Variants in NPAS3 observed in about 807,000 individuals in gnomAD.
NPAS3 encodes neuronal PAS domain protein 3.
In NPAS3, 14 loss-of-function variants were observed where a neutral mutation model predicts 73.1. That is an observed-to-expected ratio of 0.19 (90% confidence interval 0.13 to 0.30). The LOEUF is 0.30. Among genes scored for constraint, NPAS3 ranks in the 10% least tolerant of loss-of-function variants. The probability of loss-of-function intolerance (pLI) is 1.00; values close to 1 mark genes in which losing one functional copy is unlikely to be tolerated. For missense variants in NPAS3, 1,096 were observed against 1,250.0 expected, an observed-to-expected ratio of 0.88 and a Z score of 1.86; for synonymous variants, 620 against 541.5, an observed-to-expected ratio of 1.14 and a Z score of -2.01.
intron 2 of NPAS3, among the ~76,000 whole-genome samples, chr14:33,125,577 T>C (rs1374597734): frequency 1.3e-5 from 2 of 152,116 alleles, no homozygotes; most frequent in African/African-American, 4.8e-5. Context: ...CGAGAACTGA[T>C]GATTCCATAG....
intron 6 of NPAS3, among the ~76,000 whole-genome samples, chr14:33,734,282 T>C (rs2061471865): frequency 6.6e-6 from 1 of 152,096 alleles, no homozygotes; most frequent in Non-Finnish European, 1.5e-5. Context: ...CAAAATTAAT[T>C]TCTTTGCCAG....
intron 5 of NPAS3, among the ~76,000 whole-genome samples, chr14:33,668,810 C>A (rs533658211): frequency 1.3e-5 from 2 of 152,090 alleles, no homozygotes; most frequent in African/African-American, 2.4e-5. Context: ...CAGGGCGAGA[C>A]CCTGTCTCAA....
intron 7 of NPAS3, among the ~76,000 whole-genome samples, chr14:33,766,300 C>T (rs2062461389): frequency 6.6e-6 from 1 of 152,184 alleles, no homozygotes; most frequent in Admixed American, 6.5e-5. Flanking sequence ...CTGTCCATTT[C>T]CTGAACCAAC....
intron 4 of NPAS3, among the ~76,000 whole-genome samples, chr14:33,463,084 A>G (rs2050348210): frequency 6.6e-6 from 1 of 152,230 alleles, no homozygotes; most frequent in Non-Finnish European, 1.5e-5. Flanking sequence ...ATATGGCAAT[A>G]GGTAATGGCT....
At chr14:33,633,791 G>A (rs939949190) in intron 5 of NPAS3, among the ~76,000 whole-genome samples, 1 of 152,064 alleles carries the variant, frequency 6.6e-6, no homozygotes. Flanking sequence ...ACCAGCCTGG[G>A]CAACATAGTG....
At chr14:33,670,857 G>C (rs1453597330) in intron 5 of NPAS3, among the ~76,000 whole-genome samples, 33 of 149,600 alleles carry the variant, frequency 2.2e-4, no homozygotes, top group African/African-American at 7.6e-4. Flanking sequence ...GTGGGGCCTG[G>C]ATGCAGAAGG....
intron 2 of NPAS3, among the ~76,000 whole-genome samples, chr14:33,173,597 G>A (rs538548642): frequency 6.6e-6 from 1 of 152,280 alleles, no homozygotes; most frequent in South Asian, 2.1e-4. Flanking sequence ...TTTCAAGAAT[G>A]AATATTTAGC....
At chr14:33,085,132 A>G (rs906307512) in intron 2 of NPAS3, among the ~76,000 whole-genome samples, 5 of 152,252 alleles carry the variant, frequency 3.3e-5, no homozygotes, top group South Asian at 4.2e-4. Flanking sequence ...CTTTGGTACC[A>G]TGTTGCGTGA....
intron 2 of NPAS3, among the ~76,000 whole-genome samples, chr14:33,088,667 G>A (rs935406483): frequency 4.6e-5 from 7 of 152,032 alleles, no homozygotes; most frequent in Admixed American, 4.6e-4. Flanking sequence ...TGACAGCTTT[G>A]AAGAGAGTAG....
chr14:32,965,977 G>T (rs1362333908), intron 1 of NPAS3, among the ~76,000 whole-genome samples: 2 of 151,812 alleles, frequency 1.3e-5, no homozygotes, highest in Non-Finnish European at 2.9e-5. Flanking sequence ...AAAAAATCTA[G>T]GAATAAATAT....
chr14:33,549,021 A>G lies in NPAS3; in HGVS notation c.469-11100A>G, dbSNP rs114266830. ...AGTAATTACAGGAGCATATGTGAAC[A>G]TGTTTATATTTATTTATAACCAAAT... is the stretch of plus-strand genomic sequence containing the variant. On this transcript the variant is annotated intron_variant, in intron 4 of 11. Coordinates refer to ENST00000356141, the Ensembl canonical transcript of NPAS3. Among the ~76,000 whole-genome samples, 1,067 of 152,336 alleles carry G rather than the reference A, an allele frequency of 7.0e-3. 10 individuals carry two copies. Among genetic ancestry groups the G allele is most frequent in the African/African-American group, 0.024 (986 of 41,576 alleles).
At chr14:33,286,900 G>A (rs896455770) in intron 3 of NPAS3, among the ~76,000 whole-genome samples, 4 of 152,126 alleles carry the variant, frequency 2.6e-5, no homozygotes, top group African/African-American at 7.2e-5. Flanking sequence ...AAGAGCAGCC[G>A]TGATTTCCTT....
At chr14:33,797,428 CA>C (rs781660185) in intron 10 of NPAS3, 28 bp from the exon 11 acceptor site, 3 of 1,611,336 alleles carry the variant, frequency 1.9e-6, no homozygotes, top group Non-Finnish European at 1.7e-6. Context: ...TGGGTGTCTG[CA>C]CTCCTGACCA....
intron 5 of NPAS3, among the ~76,000 whole-genome samples, chr14:33,615,770 G>A (rs932156292): frequency 1.3e-5 from 2 of 152,234 alleles, no homozygotes; most frequent in East Asian, 3.9e-4. Context: ...AGTGCATGCT[G>A]AGAATCCCCG....
intron 2 of NPAS3, among the ~76,000 whole-genome samples, chr14:33,102,586 A>G (rs911464095): frequency 3.3e-5 from 5 of 152,170 alleles, no homozygotes; most frequent in African/African-American, 1.2e-4. Context: ...TTTTTATTGG[A>G]GTGCCGCCTA....
intron 4 of NPAS3, among the ~76,000 whole-genome samples, chr14:33,513,254 G>A (rs1388465239): frequency 6.6e-6 from 1 of 151,912 alleles, no homozygotes; most frequent in Admixed American, 6.6e-5. Flanking sequence ...CACAGACAGT[G>A]GATTGATCAG....
chr14:33,035,606 A>G (rs941868103), intron 1 of NPAS3, among the ~76,000 whole-genome samples: 3 of 152,198 alleles, frequency 2.0e-5, no homozygotes, highest in African/African-American at 7.2e-5. Context: ...GAAAACTATA[A>G]CAGACATTAG....
At chr14:32,951,121 C>T (rs1032861780) in intron 1 of NPAS3, among the ~76,000 whole-genome samples, 1 of 152,054 alleles carries the variant, frequency 6.6e-6, no homozygotes, top group Non-Finnish European at 1.5e-5. Flanking sequence ...TGTCAGTCTT[C>T]CATTATCTTT....
At chr14:33,790,997 ATGT>A (rs1452107989) in intron 9 of NPAS3, among the ~76,000 whole-genome samples, 22 of 152,236 alleles carry the variant, frequency 1.4e-4, no homozygotes, top group Non-Finnish European at 2.4e-4. Context: ...TTTGGTAAAC[ATGT>A]TGTCCCAACT....
Sources: allele counts gnomAD v4.1 joint callset (sites outside exome capture counted in the v4.1 genomes callset), GRCh38; gene constraint gnomAD v4.1.1; transcripts MANE v1.5; gene names NCBI Gene and HGNC (gene_info 2026-07-23, HGNC 2026-07-21).